The following DNAJC19 variants were observed in gnomAD, a reference collection of about 807,000 sequenced individuals.
DNAJC19 encodes DnaJ heat shock protein family (Hsp40) member C19, also known as mitochondrial import inner membrane translocase subunit TIM14.
Under a neutral mutation model 19.8 loss-of-function variants are expected in DNAJC19, and 15 were observed. The observed-to-expected ratio is 0.76, with a 90% confidence interval of 0.51 to 1.17. The LOEUF is 1.17. DNAJC19 is among the 50% of genes most tolerant of loss of function. The pLI is 0.00. For missense variants in DNAJC19, 105 were observed against 140.9 expected (o/e 0.75, Z 1.29); for synonymous variants, 38 against 42.1 (o/e 0.90, Z 0.38).
intron 5 of DNAJC19, among the ~76,000 whole-genome samples, chr3:180,984,931 T>G (rs975661068): frequency 6.6e-6 from 1 of 152,106 alleles, no homozygotes; most frequent in African/African-American, 2.4e-5. Flanking sequence ...GTGGGAGATA[T>G]TTCTACAAAA....
At chr3:180,988,338 A>C in intron 1 of DNAJC19, 109 bp from the exon 2 acceptor site, 1 of 1,261,092 alleles carries the variant, frequency 7.9e-7, no homozygotes, top group African/African-American at 1.5e-5. Context: ...AATAGGAGAA[A>C]CAACTTTTTT....
chr3:180,985,449 T>C (rs1714853069), intron 5 of DNAJC19: 2 of 165,636 alleles, frequency 1.2e-5, no homozygotes, highest in African/African-American at 4.8e-5. Flanking sequence ...GAAAGCCCTC[T>C]CCTGTATAAG....
chr3:180,988,115 G>A lies in DNAJC19; in HGVS notation c.56-19C>T, dbSNP rs1250225283. The stretch of plus-strand genomic sequence containing the variant: ...TAACGGCCTAAAACCAAAAGCAACA[G>A]AATAAGTAAACTAAATCTCCAATCT... On this transcript the variant is annotated intron_variant, in intron 2 of 5. Coordinates refer to ENST00000382564, the MANE Select transcript of DNAJC19 (RefSeq NM_145261.4). The A allele has an allele frequency of 6.2e-7, 1 of 1,614,118 alleles. No individual in the cohort carries two copies. The highest frequency in any genetic ancestry group is 1.7e-5 in the Admixed American group (1 of 60,014).
Position 180,989,374 on chromosome 3 carries a change from G to A in DNAJC19, c.3+226C>T, listed in dbSNP as rs1488741545. 12 of 1,427,226 alleles carry A rather than the reference G, an allele frequency of 8.4e-6. No individual in the cohort carries two copies. The East Asian group carries it at 2.5e-4, about 30-fold the overall frequency. 88.4% of individuals were successfully genotyped at this position (1,427,226 alleles called of 1,614,324 possible). ...CAAGCAACACCTGCAGAGCCCGTGCGGACAAGAAGCTGGAGAACCGTGCAG... is the reference window on the plus strand; with the variant it reads ...CAAGCAACACCTGCAGAGCCCGTGCAGACAAGAAGCTGGAGAACCGTGCAG... On this transcript the variant is annotated intron_variant, in intron 1 of 5. Coordinates refer to ENST00000382564, the MANE Select transcript of DNAJC19 (RefSeq NM_145261.4).
Position 180,987,039 on chromosome 3 carries a change from A to G in DNAJC19, c.130-17T>C. 1 of 1,608,496 alleles carries G rather than the reference A, an allele frequency of 6.2e-7. No individual in the cohort carries two copies. The highest frequency in any genetic ancestry group is 8.5e-7 in the Non-Finnish European group (1 of 1,174,916). Reference sequence around the variant, plus strand: ...ACTGAAGGCCTGAAAGAAGAAATGCATTTGTAAAGAAAGGTTAATAAAATA... The same window carrying G: ...ACTGAAGGCCTGAAAGAAGAAATGCGTTTGTAAAGAAAGGTTAATAAAATA... On this transcript the variant is annotated splice_polypyrimidine_tract_variant and intron_variant, in intron 3 of 5. Transcript: ENST00000382564.
intron 5 of DNAJC19, 44 bp from the exon 6 acceptor site, chr3:180,984,754 A>C: frequency 1.7e-5 from 24 of 1,412,962 alleles, no homozygotes; most frequent in Non-Finnish European, 2.0e-5. Flanking sequence ...ATGGATTCTC[A>C]ATTTCTGCTT....
Position 180,983,969 on chromosome 3 carries a change from G to A in DNAJC19, c.*671C>T, listed in dbSNP as rs899940959. ...TCCCAGTACTTTGGGAGGCTGAGGCGGGAGGACTGCTTAAACCCAGGAGGT... is the reference window on the plus strand; with the variant it reads ...TCCCAGTACTTTGGGAGGCTGAGGCAGGAGGACTGCTTAAACCCAGGAGGT... On this transcript the variant is annotated 3_prime_UTR_variant, in exon 6 of 6. Coordinates refer to ENST00000382564, the MANE Select transcript of DNAJC19 (RefSeq NM_145261.4). The A allele has an allele frequency of 6.6e-6, 3 of 453,786 alleles. No individual in the cohort carries two copies. The highest frequency in any genetic ancestry group is 2.0e-5 in the African/African-American group (1 of 49,970). 28.1% of individuals were successfully genotyped at this position (453,786 alleles called of 1,614,324 possible).
intron 1 of DNAJC19, among the ~76,000 whole-genome samples, chr3:180,988,817 ATG>A (rs1715049213): frequency 6.6e-6 from 1 of 151,194 alleles, no homozygotes. Flanking sequence ...CCTGGCTACC[ATG>A]GTGAAACCCC....
Position 180,984,562 on chromosome 3 carries a change from T to G in DNAJC19, c.*78A>C. ...CTAAATCATTTTTTAAAATTGTAGC[T>G]CTGAGGCATTTTATTATAAAAACTT... On this transcript the variant is annotated 3_prime_UTR_variant, in exon 6 of 6. Transcript: ENST00000382564. 1.0e-6 allele frequency: 1 copy of G among 967,236 alleles called. No individual in the cohort carries two copies. Among genetic ancestry groups the G allele is most frequent in the Non-Finnish European group, 1.6e-6 (1 of 626,504 alleles). The allele number at this position is 967,236 out of a possible 1,614,324, so 59.9% of individuals were successfully genotyped here. A position where few individuals can be genotyped will look rare whatever the true frequency, so the allele number is the denominator to read the frequency against.
chr3:180,987,576 G>A (rs1714976733), intron 3 of DNAJC19: 3 of 268,572 alleles, frequency 1.1e-5, no homozygotes, highest in Non-Finnish European at 2.2e-5. Context: ...TGTGACCACA[G>A]AGAGTATGAC....
chr3:180,987,038 C>A lies in DNAJC19; in HGVS notation c.130-16G>T, dbSNP rs1484066703. 6.2e-7 allele frequency: 1 copy of A among 1,608,452 alleles called. No individual in the cohort carries two copies. The highest frequency in any genetic ancestry group is 1.7e-5 in the Admixed American group (1 of 60,008). ...CACTGAAGGCCTGAAAGAAGAAATG[C>A]ATTTGTAAAGAAAGGTTAATAAAAT... On this transcript the variant is annotated splice_polypyrimidine_tract_variant and intron_variant, in intron 3 of 5. Coordinates refer to ENST00000382564, the MANE Select transcript of DNAJC19 (RefSeq NM_145261.4).
rs1354803941 is a variant in DNAJC19, at chr3:180,989,269, G to A, written c.3+331C>T. Reference sequence around the variant, plus strand: ...GAGCTAGTGCTGTGAAGATGTGTTAGGGCAAGGGCACTTATAATCAAATAC... The same window carrying A: ...GAGCTAGTGCTGTGAAGATGTGTTAAGGCAAGGGCACTTATAATCAAATAC... On this transcript the variant is annotated intron_variant, in intron 1 of 5. Transcript: ENST00000382564. The A allele has an allele frequency of 3.1e-6, 4 of 1,304,654 alleles. No individual in the cohort carries two copies. In the African/African-American group the frequency reaches 6.0e-5, roughly 19 times the overall value. 80.8% of individuals were successfully genotyped at this position (1,304,654 alleles called of 1,614,324 possible).
Position 180,988,330 on chromosome 3 carries a change from T to C in DNAJC19, c.4-101A>G. On this transcript the variant is annotated intron_variant, in intron 1 of 5. Coordinates refer to ENST00000382564, the MANE Select transcript of DNAJC19 (RefSeq NM_145261.4). ...CAACTCATTACAAACTGCATTTTAA[T>C]AGGAGAAACAACTTTTTTTTTTCTT... is the stretch of plus-strand genomic sequence containing the variant. 4.6e-6 allele frequency: 6 copies of C among 1,312,988 alleles called. No homozygotes were observed. The South Asian group carries it at 8.0e-5, about 18-fold the overall frequency. The allele number at this position is 1,312,988 out of a possible 1,614,324, so 81.3% of individuals were successfully genotyped here. A position where few individuals can be genotyped will look rare whatever the true frequency, so the allele number is the denominator to read the frequency against.
chr3:180,989,712 C>T lies in DNAJC19; in HGVS notation c.-110G>A. 1 of 1,527,760 alleles carries T rather than the reference C, an allele frequency of 6.5e-7. No homozygotes were observed. The highest frequency in any genetic ancestry group is 8.8e-7 in the Non-Finnish European group (1 of 1,131,504). 94.6% of individuals were successfully genotyped at this position (1,527,760 alleles called of 1,614,324 possible). A position where few individuals can be genotyped will look rare whatever the true frequency, so the allele number is the denominator to read the frequency against. ...CAGAGAGCGACGCAACCCCCAACCTCAAGCACAGGCGCCCTACGCAACACG... is the reference window on the plus strand; with the variant it reads ...CAGAGAGCGACGCAACCCCCAACCTTAAGCACAGGCGCCCTACGCAACACG... On this transcript the variant is annotated 5_prime_UTR_variant, in exon 1 of 6. Transcript: ENST00000382564.
intron 4 of DNAJC19, 26 bp from the exon 5 acceptor site, chr3:180,986,022 A>C (rs1488278819): frequency 6.4e-7 from 1 of 1,560,540 alleles, no homozygotes; most frequent in African/African-American, 1.4e-5. Flanking sequence ...AATGGTATTT[A>C]CTTCATCCTA....
Position 180,989,628 on chromosome 3 carries a change from C to A in DNAJC19, c.-26G>T. 6.3e-7 allele frequency: 1 copy of A among 1,585,400 alleles called. No homozygotes were observed. The highest frequency in any genetic ancestry group is 2.3e-5 in the East Asian group (1 of 43,510). On this transcript the variant is annotated 5_prime_UTR_variant, in exon 1 of 6. An upstream open reading frame in the 5' UTR gains an earlier in-frame stop. Coordinates refer to ENST00000382564, the MANE Select transcript of DNAJC19 (RefSeq NM_145261.4). The stretch of plus-strand genomic sequence containing the variant: ...GGCTCCGGCTGGGCTCCCTTGCTTC[C>A]ACCGGGAGCACGGCTCATCCCAGCT...
intron 5 of DNAJC19, 55 bp from the exon 6 acceptor site, chr3:180,984,765 G>T: frequency 7.7e-7 from 1 of 1,302,580 alleles, no homozygotes; most frequent in Non-Finnish European, 1.1e-6. Flanking sequence ...ATTTCTGCTT[G>T]GTAAAAAGCT....
chr3:180,986,652 G>A (rs1212023887), intron 4 of DNAJC19: 3 of 377,032 alleles, frequency 8.0e-6, no homozygotes, highest in Middle Eastern at 7.8e-4. Context: ...ATAATCTGCT[G>A]AGGAGTCTAT....
chr3:180,987,693 T>C (rs970965701), intron 3 of DNAJC19: 3 of 380,636 alleles, frequency 7.9e-6, no homozygotes, highest in Middle Eastern at 8.8e-4. Flanking sequence ...TTTAGAATCA[T>C]ATACCTCTGT....
Sources: allele counts gnomAD v4.1 joint callset (sites outside exome capture counted in the v4.1 genomes callset), GRCh38; gene constraint gnomAD v4.1.1; transcripts MANE v1.5; gene names NCBI Gene and HGNC (gene_info 2026-07-23, HGNC 2026-07-21).